EPB41L4A: variants seen among roughly 807,000 people sequenced by gnomAD.
EPB41L4A encodes erythrocyte membrane protein band 4.1 like 4A, also known as band 4.1-like protein 4A.
EPB41L4A carries 100 observed loss-of-function variants against 108.6 expected under a neutral mutation model. That is an observed-to-expected ratio of 0.92 (90% CI 0.78 to 1.09). The LOEUF (loss-of-function observed/expected upper bound fraction) is 1.09, where lower values mean the gene tolerates loss of function less well. Ranked by LOEUF, EPB41L4A falls within the 50% of genes least tolerant of loss-of-function variation. The pLI is 0.00. For synonymous variants in EPB41L4A, 319 were observed against 289.0 expected, an observed-to-expected ratio of 1.10 and a Z score of -1.05; for missense variants, 1,030 against 842.7, an observed-to-expected ratio of 1.22 and a Z score of -2.75.
chr5:112,219,507 A>G (rs1398402759), intron 12 of EPB41L4A, among the ~76,000 whole-genome samples: 2 of 152,142 alleles, frequency 1.3e-5, no homozygotes, highest in South Asian at 2.1e-4. Context: ...ACTAATAAAA[A>G]AGTTTTTATT....
At chr5:112,366,168 C>A (rs1225740141) in intron 1 of EPB41L4A, among the ~76,000 whole-genome samples, 4 of 152,128 alleles carry the variant, frequency 2.6e-5, no homozygotes, top group African/African-American at 9.7e-5. Context: ...CAGTTCAACA[C>A]AGAAACTGTA....
At chr5:112,306,122 A>G (rs2150576057) in intron 2 of EPB41L4A, among the ~76,000 whole-genome samples, 1 of 152,284 alleles carries the variant, frequency 6.6e-6, no homozygotes, top group African/African-American at 2.4e-5. Context: ...AGTCTGACAT[A>G]GTAGATAAGA....
At chr5:112,246,852 C>G (rs1750270620) in intron 9 of EPB41L4A, among the ~76,000 whole-genome samples, 1 of 152,154 alleles carries the variant, frequency 6.6e-6, no homozygotes, top group Admixed American at 6.6e-5. Context: ...CCCCCTCTTA[C>G]ATGAAAACAG....
At chr5:112,351,117 GA>G (rs1188682818) in intron 1 of EPB41L4A, among the ~76,000 whole-genome samples, 1 of 152,070 alleles carries the variant, frequency 6.6e-6, no homozygotes, top group Admixed American at 6.6e-5. Context: ...TGAGTCAAAG[GA>G]AAGATATAAT....
chr5:112,394,708 A>G (rs888727823), intron 1 of EPB41L4A, among the ~76,000 whole-genome samples: 3 of 152,228 alleles, frequency 2.0e-5, no homozygotes, highest in Admixed American at 2.0e-4. Context: ...TCAAGCTACC[A>G]ATGACTTTCT....
At chr5:112,266,465 G>A (rs1198209655) in intron 4 of EPB41L4A, 135 bp from the exon 5 acceptor site, 2 of 620,698 alleles carry the variant, frequency 3.2e-6, no homozygotes, top group East Asian at 2.9e-5. Flanking sequence ...TGTGTGAGGG[G>A]GCTGTTGAGT....
At chr5:112,295,249 G>A (rs192995742) in intron 2 of EPB41L4A, among the ~76,000 whole-genome samples, 31 of 152,160 alleles carry the variant, frequency 2.0e-4, no homozygotes, top group Non-Finnish European at 1.0e-4. Context: ...GAGGTGAGAT[G>A]ATGTAGTTGG....
chr5:112,210,925 A>G (rs941536895), intron 12 of EPB41L4A, among the ~76,000 whole-genome samples: 2 of 144,606 alleles, frequency 1.4e-5, no homozygotes, highest in Non-Finnish European at 3.1e-5. Flanking sequence ...CTTCAATCCA[A>G]TGCATAACGG....
chr5:112,210,930 T>G (rs1045236963), intron 12 of EPB41L4A, among the ~76,000 whole-genome samples: 5 of 143,188 alleles, frequency 3.5e-5, no homozygotes, highest in African/African-American at 1.3e-4. Context: ...ATCCAATGCA[T>G]AACGGTCACT....
intron 12 of EPB41L4A, among the ~76,000 whole-genome samples, chr5:112,150,296 C>T (rs187716060): frequency 7.1e-4 from 108 of 151,878 alleles, no homozygotes; most frequent in Non-Finnish European, 1.3e-3. Context: ...ATGACAAACC[C>T]ACGAGAAAAT....
At chr5:112,354,806 G>T (rs868036714) in intron 1 of EPB41L4A, among the ~76,000 whole-genome samples, 1 of 152,112 alleles carries the variant, frequency 6.6e-6, no homozygotes, top group African/African-American at 2.4e-5. Flanking sequence ...AATTGATGTT[G>T]TAGTCTTTGC....
chr5:112,259,307 A>C lies in EPB41L4A; in HGVS notation c.732-15T>G, dbSNP rs1433231237. On this transcript the variant is annotated splice_polypyrimidine_tract_variant and intron_variant, in intron 8 of 22. Transcript: ENST00000261486. ...TAATCCGAGGCCTAAAAAACAAAGC[A>C]GATGGTGTTGCTGCTGTTTTTAAGT... 1.2e-6 allele frequency: 2 copies of C among 1,610,688 alleles called. No individual in the cohort carries two copies. The highest frequency in any genetic ancestry group is 2.2e-5 in the East Asian group (1 of 44,874).
chr5:112,331,048 T>C (rs1756529801), intron 1 of EPB41L4A, among the ~76,000 whole-genome samples: 1 of 152,192 alleles, frequency 6.6e-6, no homozygotes, highest in Admixed American at 6.5e-5. Flanking sequence ...TAAAAATCCT[T>C]ACCCAAAATG....
At chr5:112,268,667 T>C (rs66525309) in intron 4 of EPB41L4A, among the ~76,000 whole-genome samples, 45,946 of 151,244 alleles carry the variant, frequency 0.3, 7,149 homozygotes, top group African/African-American at 0.35. Context: ...ATGGACAACA[T>C]AGTGATAACC....
At chr5:112,178,906 A>G (rs1163597486) in intron 18 of EPB41L4A, among the ~76,000 whole-genome samples, 2 of 151,926 alleles carry the variant, frequency 1.3e-5, no homozygotes, top group Non-Finnish European at 1.5e-5. Context: ...ACAGTCAATG[A>G]AACAGACAAC....
Position 112,224,987 on chromosome 5 carries a change from GAAGA to G in EPB41L4A, c.1087+9643_1087+9646del, listed in dbSNP as rs551117112. ...CTAACTTCTTCCTTTTTCTGACCCAGAAGAAATAAACAAAAACTTCACAATACCC... is the reference window on the plus strand; with the variant it reads ...CTAACTTCTTCCTTTTTCTGACCCAGAATAAACAAAAACTTCACAATACCC... On this transcript the variant is annotated intron_variant, in intron 12 of 22. Transcript: ENST00000261486. Among the ~76,000 whole-genome samples, 454 of 152,250 alleles carry G rather than the reference GAAGA, an allele frequency of 3.0e-3. 3 individuals carry two copies. Among genetic ancestry groups the G allele is most frequent in the African/African-American group, 0.01 (426 of 41,532 alleles).
chr5:112,259,364 A>C, intron 8 of EPB41L4A, 72 bp from the exon 9 acceptor site: 1 of 1,275,708 alleles, frequency 7.8e-7, no homozygotes, highest in Non-Finnish European at 1.1e-6. Context: ...GGAAGTATCC[A>C]GTGGAAAAAG....
intron 1 of EPB41L4A, among the ~76,000 whole-genome samples, chr5:112,396,276 A>C (rs574125943): frequency 2.8e-4 from 42 of 152,302 alleles, no homozygotes; most frequent in African/African-American, 9.6e-4. Flanking sequence ...AAGAAAAAGA[A>C]AACCATTTCA....
At chr5:112,198,778 C>G (rs1762084179) in intron 15 of EPB41L4A, among the ~76,000 whole-genome samples, 1 of 152,056 alleles carries the variant, frequency 6.6e-6, no homozygotes, top group Non-Finnish European at 1.5e-5. Flanking sequence ...AATTTTAAGC[C>G]TAATAACTCT....
Sources: gnomAD v4.1 joint callset for allele counts (sites outside exome capture counted in the v4.1 genomes callset) on GRCh38, gnomAD v4.1.1 for gene constraint, MANE v1.5 for transcripts, NCBI Gene and HGNC (gene_info 2026-07-23, HGNC 2026-07-21) for gene names.